Variants in FANK1 observed in about 807,000 individuals in gnomAD.
FANK1 encodes the protein fibronectin type III and ankyrin repeat domains 1.
In FANK1, 44 loss-of-function variants were observed where a neutral mutation model predicts 45.3. That is an observed-to-expected ratio of 0.97 (90% CI 0.76 to 1.25). The LOEUF (loss-of-function observed/expected upper bound fraction) is 1.25. Among genes scored for constraint, FANK1 ranks in the 50% most tolerant of loss-of-function variants. The pLI is 0.00. For synonymous variants in FANK1, 149 were observed against 152.5 expected, an observed-to-expected ratio of 0.98 and a Z score of 0.17; for missense variants, 391 against 424.4, an observed-to-expected ratio of 0.92 and a Z score of 0.69.
chr10:125,955,651 T>C (rs1313059147), intron 1 of FANK1, among the ~76,000 whole-genome samples: 1 of 152,086 alleles, frequency 6.6e-6, no homozygotes, highest in East Asian at 1.9e-4. Flanking sequence ...CAGCTAACTT[T>C]TGTCGCAGCA....
intron 1 of FANK1, among the ~76,000 whole-genome samples, chr10:125,930,670 T>G (rs1005261363): frequency 2.0e-5 from 3 of 152,110 alleles, no homozygotes; most frequent in African/African-American, 7.2e-5. Flanking sequence ...ACCTTTATTA[T>G]AAATCAAGTA....
intron 1 of FANK1, among the ~76,000 whole-genome samples, chr10:125,915,647 C>CA (rs142651887): frequency 1.2e-4 from 19 of 152,196 alleles, no homozygotes; most frequent in African/African-American, 4.6e-4. Flanking sequence ...CCTGTCTCTA[C>CA]AAAAAAAGTT....
At chr10:125,967,017 A>G (rs1402208842) in intron 1 of FANK1, among the ~76,000 whole-genome samples, 3 of 152,136 alleles carry the variant, frequency 2.0e-5, no homozygotes, top group Non-Finnish European at 4.4e-5. Flanking sequence ...CCCTTTCCTT[A>G]GTATATCATC....
chr10:125,975,257 T>G (rs1419109474), intron 1 of FANK1, among the ~76,000 whole-genome samples: 3 of 152,210 alleles, frequency 2.0e-5, no homozygotes, highest in African/African-American at 7.2e-5. Flanking sequence ...TGATGGACAT[T>G]TAGGTTGATT....
rs371557317 is a variant in FANK1, at chr10:125,949,523, A to G, written c.14-30638A>G. ...TGAACTCCCATTCCCAATTGCTTCA[A>G]AGAGAATAAAATACCTAGGAATCCA... On this transcript the variant is annotated intron_variant, in intron 1 of 10. Coordinates refer to ENST00000368693, the MANE Select transcript of FANK1 (RefSeq NM_145235.5). Among the ~76,000 whole-genome samples the G allele has an allele frequency of 8.9e-3, 1,348 of 152,130 alleles. 14 individuals are homozygous for G. The highest frequency in any genetic ancestry group is 0.029 in the African/African-American group (1,211 of 41,486).
chr10:125,970,778 C>T (rs1055485744), intron 1 of FANK1, among the ~76,000 whole-genome samples: 6 of 152,120 alleles, frequency 3.9e-5, no homozygotes, highest in East Asian at 1.9e-4. Context: ...AGTCCAGCCT[C>T]GGCAACAGAG....
At chr10:125,962,844 TTAGATTTA>T (rs1386559542) in intron 1 of FANK1, among the ~76,000 whole-genome samples, 1 of 152,102 alleles carries the variant, frequency 6.6e-6, no homozygotes, top group Admixed American at 6.5e-5. Context: ...TATAAAAATT[TTAGATTTA>T]TAAAGTACAA....
intron 1 of FANK1, among the ~76,000 whole-genome samples, chr10:125,923,472 A>ATT (rs373567113): frequency 6.7e-6 from 1 of 148,904 alleles, no homozygotes; most frequent in Admixed American, 6.7e-5. Context: ...AAAAAAAAAA[A>ATT]TTTTTTTCAT....
At chr10:125,971,624 T>TG (rs1389136965) in intron 1 of FANK1, among the ~76,000 whole-genome samples, 2 of 152,144 alleles carry the variant, frequency 1.3e-5, no homozygotes, top group East Asian at 3.9e-4. Context: ...TTTTTCACCC[T>TG]GGTCTACATT....
Position 125,995,017 on chromosome 10 carries a change from T to C in FANK1, c.317-400T>C, listed in dbSNP as rs576377646. 1.8e-3 allele frequency: 1,534 copies of C among 875,706 alleles called. 20 individuals are homozygous for C. In the African/African-American group the frequency reaches 0.03, roughly 17 times the overall value. 54.2% of individuals were successfully genotyped at this position (875,706 alleles called of 1,614,324 possible). A position where few individuals can be genotyped will look rare whatever the true frequency, so the allele number is the denominator to read the frequency against. On this transcript the variant is annotated intron_variant, in intron 3 of 10. Transcript: ENST00000368693. Reference sequence around the variant, plus strand: ...TTTAATTTCAAATGTTAAAGCACTTTGTCTTTTTTTTTTTTCCAAGTAGTT... The same window carrying C: ...TTTAATTTCAAATGTTAAAGCACTTCGTCTTTTTTTTTTTTCCAAGTAGTT...
chr10:125,993,823 C>G (rs556759231), intron 3 of FANK1, among the ~76,000 whole-genome samples: 3 of 152,318 alleles, frequency 2.0e-5, no homozygotes, highest in African/African-American at 7.2e-5. Context: ...TTGGCTAGCT[C>G]TAGCAGACAA....
chr10:126,003,789 C>T (rs1453080303), intron 6 of FANK1, among the ~76,000 whole-genome samples: 1 of 152,110 alleles, frequency 6.6e-6, no homozygotes, highest in Non-Finnish European at 1.5e-5. Context: ...GATTCTCCTG[C>T]CTCAGCCTCC....
At chr10:125,996,869 T>A (rs1952370967) in intron 5 of FANK1, among the ~76,000 whole-genome samples, 1 of 152,136 alleles carries the variant, frequency 6.6e-6, no homozygotes, top group African/African-American at 2.4e-5. Flanking sequence ...TTACATGCAA[T>A]ATATTTTTTA....
chr10:125,945,907 A>G (rs1296976636), intron 1 of FANK1, among the ~76,000 whole-genome samples: 9 of 152,172 alleles, frequency 5.9e-5, no homozygotes, highest in African/African-American at 1.9e-4. Context: ...GAGATCTGAG[A>G]ACCGGCAGAC....
At chr10:125,974,728 T>C (rs1049267077) in intron 1 of FANK1, among the ~76,000 whole-genome samples, 2 of 152,258 alleles carry the variant, frequency 1.3e-5, no homozygotes, top group Admixed American at 6.5e-5. Flanking sequence ...TGTTCCACTT[T>C]ATGGACATAG....
chr10:125,967,603 T>C (rs1467597297), intron 1 of FANK1, among the ~76,000 whole-genome samples: 1 of 152,164 alleles, frequency 6.6e-6, no homozygotes, highest in Non-Finnish European at 1.5e-5. Flanking sequence ...GAAATTTTTA[T>C]TCATTTATTT....
At chr10:125,928,261 CTTTTTT>C (rs34889746) in intron 1 of FANK1, among the ~76,000 whole-genome samples, 3 of 137,722 alleles carry the variant, frequency 2.2e-5, no homozygotes, top group Non-Finnish European at 4.6e-5. Context: ...TTATTCGTGC[CTTTTTT>C]TTTTTTTTTT....
intron 1 of FANK1, among the ~76,000 whole-genome samples, chr10:125,909,244 A>G (rs1699251980): frequency 6.6e-6 from 1 of 152,168 alleles, no homozygotes; most frequent in South Asian, 2.1e-4. Flanking sequence ...CAGGTCAGCC[A>G]CATTTAATAT....
At chr10:125,902,478 C>T (rs796414096) in intron 1 of FANK1, among the ~76,000 whole-genome samples, 8 of 152,154 alleles carry the variant, frequency 5.3e-5, no homozygotes, top group Non-Finnish European at 1.2e-4. Flanking sequence ...AAAAGAAAGC[C>T]ATTTTATTCT....
Sources: gnomAD v4.1 joint callset for allele counts (sites outside exome capture counted in the v4.1 genomes callset) on GRCh38, gnomAD v4.1.1 for gene constraint, MANE v1.5 for transcripts, NCBI Gene and HGNC (gene_info 2026-07-23, HGNC 2026-07-21) for gene names.